The following CNTNAP2 variants were observed in gnomAD, a reference collection of about 807,000 sequenced individuals.
CNTNAP2 encodes contactin-associated protein-like 2.
CNTNAP2 carries 98 observed loss-of-function variants against 155.2 expected under a neutral mutation model. The observed-to-expected ratio is 0.63, with a 90% CI of 0.54 to 0.75. The LOEUF (loss-of-function observed/expected upper bound fraction) is 0.75, where lower values mean the gene tolerates loss of function less well. Ranked by LOEUF, CNTNAP2 falls within the 30% of genes least tolerant of loss-of-function variation. CNTNAP2 has a pLI of 0.00. For missense variants in CNTNAP2, 1,727 were observed against 1,688.1 expected (o/e 1.02, Z -0.40); for synonymous variants, 651 against 631.2 (o/e 1.03, Z -0.47).
At chr7:148,094,320 C>A (rs560707694) in intron 15 of CNTNAP2, among the ~76,000 whole-genome samples, 3 of 152,140 alleles carry the variant, frequency 2.0e-5, no homozygotes, top group Non-Finnish European at 4.4e-5. Context: ...TAAACATAGA[C>A]AAATATTAGC....
intron 8 of CNTNAP2, among the ~76,000 whole-genome samples, chr7:147,234,958 T>C (rs1222496820): frequency 2.0e-5 from 3 of 152,150 alleles, no homozygotes; most frequent in Non-Finnish European, 4.4e-5. Context: ...GTTAATGTTA[T>C]GTGAACTGAG....
At chr7:147,532,095 CCA>C (rs1437550879) in intron 11 of CNTNAP2, among the ~76,000 whole-genome samples, 1 of 152,174 alleles carries the variant, frequency 6.6e-6, no homozygotes, top group Non-Finnish European at 1.5e-5. Context: ...GCATGAGCCA[CCA>C]TGCCCGGCCA....
chr7:148,334,158 A>G (rs1798078100), intron 21 of CNTNAP2, among the ~76,000 whole-genome samples: 1 of 152,174 alleles, frequency 6.6e-6, no homozygotes, highest in Non-Finnish European at 1.5e-5. Flanking sequence ...TTCTTTTATC[A>G]GAGAGTCTAG....
intron 1 of CNTNAP2, among the ~76,000 whole-genome samples, chr7:146,680,654 T>G (rs535977295): frequency 6.6e-5 from 10 of 152,344 alleles, no homozygotes; most frequent in African/African-American, 2.4e-4. Context: ...TGACTTGACT[T>G]TATGAGTGAA....
chr7:147,129,624 A>G (rs929229477), intron 7 of CNTNAP2, among the ~76,000 whole-genome samples: 6 of 152,302 alleles, frequency 3.9e-5, no homozygotes, highest in Admixed American at 6.5e-5. Flanking sequence ...CCAGAGACCC[A>G]TACAATAAGA....
chr7:147,029,076 G>A (rs775091424), intron 3 of CNTNAP2, among the ~76,000 whole-genome samples: 2 of 145,516 alleles, frequency 1.4e-5, no homozygotes, highest in African/African-American at 5.2e-5. Flanking sequence ...CCATTCTCCC[G>A]TCTCAGCCTC....
chr7:147,973,356 A>C (rs28405123), intron 14 of CNTNAP2, among the ~76,000 whole-genome samples: 1 of 152,116 alleles, frequency 6.6e-6, no homozygotes, highest in African/African-American at 2.4e-5. Flanking sequence ...AAAAGTGACC[A>C]AGGAGGCATC....
intron 10 of CNTNAP2, among the ~76,000 whole-genome samples, chr7:147,475,647 AT>A (rs1356685945): frequency 6.6e-6 from 1 of 152,142 alleles, no homozygotes; most frequent in Non-Finnish European, 1.5e-5. Context: ...TAAAAAAAAA[AT>A]ATGTAGTCAA....
At chr7:146,677,513 T>C (rs932152480) in intron 1 of CNTNAP2, among the ~76,000 whole-genome samples, 3 of 152,184 alleles carry the variant, frequency 2.0e-5, no homozygotes, top group Non-Finnish European at 4.4e-5. Context: ...AAGAGGGGTC[T>C]ATTCAGATGA....
chr7:148,097,771 T>C (rs1804004599), intron 15 of CNTNAP2, among the ~76,000 whole-genome samples: 1 of 152,124 alleles, frequency 6.6e-6, no homozygotes, highest in Non-Finnish European at 1.5e-5. Flanking sequence ...CTCAAACTGG[T>C]GGAGACAAGG....
chr7:148,057,367 GACA>G (rs1415519835), intron 15 of CNTNAP2, among the ~76,000 whole-genome samples: 4 of 152,130 alleles, frequency 2.6e-5, no homozygotes, highest in African/African-American at 7.2e-5. Flanking sequence ...AAGGAATAGA[GACA>G]ACGCCTTAAA....
At chr7:147,619,754 C>T (rs996786988) in intron 12 of CNTNAP2, among the ~76,000 whole-genome samples, 9 of 152,280 alleles carry the variant, frequency 5.9e-5, no homozygotes, top group African/African-American at 1.7e-4. Flanking sequence ...TCGGGTGACT[C>T]GCCACCCTGA....
At chr7:146,835,621 C>G (rs1044443190) in intron 2 of CNTNAP2, among the ~76,000 whole-genome samples, 1 of 151,924 alleles carries the variant, frequency 6.6e-6, no homozygotes, top group African/African-American at 2.4e-5. Flanking sequence ...ATATAAAAAA[C>G]ACACTACAAA....
intron 9 of CNTNAP2, among the ~76,000 whole-genome samples, chr7:147,365,987 T>G (rs1048353217): frequency 6.6e-6 from 1 of 152,210 alleles, no homozygotes; most frequent in African/African-American, 2.4e-5. Context: ...GCACTGATTA[T>G]GATGCTGAAA....
At chr7:146,729,614 A>T (rs1033240598) in intron 1 of CNTNAP2, among the ~76,000 whole-genome samples, 2 of 151,964 alleles carry the variant, frequency 1.3e-5, no homozygotes, top group African/African-American at 4.8e-5. Context: ...GTGTGTATTA[A>T]ATATAGATAT....
intron 2 of CNTNAP2, among the ~76,000 whole-genome samples, chr7:146,793,195 T>C (rs1421521812): frequency 6.6e-6 from 1 of 152,200 alleles, no homozygotes; most frequent in African/African-American, 2.4e-5. Context: ...TCATCTATAT[T>C]TAAATTTCAC....
At chr7:148,261,023 C>T (rs1394778856) in intron 20 of CNTNAP2, among the ~76,000 whole-genome samples, 1 of 152,236 alleles carries the variant, frequency 6.6e-6, no homozygotes, top group Non-Finnish European at 1.5e-5. Context: ...GTACCGATTT[C>T]CCTCGGCCTC....
chr7:147,010,134 C>T (rs962206043), intron 3 of CNTNAP2, among the ~76,000 whole-genome samples: 4 of 151,462 alleles, frequency 2.6e-5, no homozygotes, highest in South Asian at 4.2e-4. Context: ...CTCGGCCTCC[C>T]GAGTAGCTGG....
intron 9 of CNTNAP2, among the ~76,000 whole-genome samples, chr7:147,371,819 T>C (rs1286372298): frequency 6.6e-6 from 1 of 152,096 alleles, no homozygotes; most frequent in African/African-American, 2.4e-5. Flanking sequence ...GTGTGTGCAT[T>C]TTGTTATGCA....
Sources: allele counts gnomAD v4.1 joint callset (sites outside exome capture counted in the v4.1 genomes callset), GRCh38; gene constraint gnomAD v4.1.1; transcripts MANE v1.5; gene names NCBI Gene and HGNC (gene_info 2026-07-23, HGNC 2026-07-21).